Variants in ZNF717 observed in about 807,000 individuals in gnomAD.
The protein encoded by ZNF717 is zinc finger protein 717, also known as krueppel-like factor X17.
Under a neutral mutation model 13.8 loss-of-function variants are expected in ZNF717, and 9 were observed. That is an observed-to-expected ratio of 0.65 (90% CI 0.39 to 1.14). The LOEUF (loss-of-function observed/expected upper bound fraction) is 1.14. ZNF717 is among the 50% of genes most tolerant of loss of function. ZNF717 has a pLI of 0.01. For missense variants in ZNF717, 1,040 were observed against 1,080.7 expected, an observed-to-expected ratio of 0.96 and a Z score of 0.53; for synonymous variants, 327 against 364.1, an observed-to-expected ratio of 0.90 and a Z score of 1.16.
chr3:75,715,230 C>T (rs1328666817), intron 5 of ZNF717, among the ~76,000 whole-genome samples: 1 of 152,114 alleles, frequency 6.6e-6, no homozygotes, highest in Non-Finnish European at 1.5e-5. Context: ...TACATTTAAG[C>T]TGGGACTCAA....
intron 2 of ZNF717, among the ~76,000 whole-genome samples, chr3:75,766,888 GA>G (rs1384409214): frequency 1.3e-5 from 2 of 152,228 alleles, no homozygotes; most frequent in African/African-American, 4.8e-5. Flanking sequence ...AACACCCTGT[GA>G]GTCAAAAAAA....
intron 2 of ZNF717, among the ~76,000 whole-genome samples, chr3:75,778,592 C>G (rs532138951): frequency 1.4e-5 from 2 of 147,314 alleles, no homozygotes; most frequent in African/African-American, 2.5e-5. Context: ...TGGGAGTGAC[C>G]TGCCAAAACC....
downstream of ZNF717, among the ~76,000 whole-genome samples, chr3:75,726,054 A>G (rs1451552309): frequency 3.3e-5 from 5 of 152,250 alleles, no homozygotes; most frequent in African/African-American, 1.2e-4. Flanking sequence ...CGCTAGACTC[A>G]GTAAGATAGC....
At chr3:75,740,314 C>T (rs1269831900) in intron 4 of ZNF717, among the ~76,000 whole-genome samples, 3 of 152,280 alleles carry the variant, frequency 2.0e-5, no homozygotes, top group African/African-American at 7.2e-5. Flanking sequence ...TAATTAGTTT[C>T]TTTGGACTTG....
At chr3:75,721,552 A>ATTACAGGC (rs1938166923) in intron 4 of ZNF717, among the ~76,000 whole-genome samples, 1 of 152,192 alleles carries the variant, frequency 6.6e-6, no homozygotes, top group Non-Finnish European at 1.5e-5. Flanking sequence ...AAGTGCTGGG[A>ATTACAGGC]TTACAGGCGT....
At position 75,784,379 on chromosome 3, in the gene ZNF717, T is replaced by C. The variant is rs112599420; in HGVS notation, c.-3+1005A>G. 8.4e-3 allele frequency among the ~76,000 whole-genome samples: 1,276 copies of C among 152,362 alleles called. 22 individuals carry two copies. Among genetic ancestry groups the C allele is most frequent in the African/African-American group, 0.028 (1,173 of 41,578 alleles). On this transcript the variant is annotated intron_variant, in intron 1 of 4. Transcript: ENST00000652011. ...ACACCTAAGTGAACAGAATTCAATA[T>C]GTTTTTAACAAAATTACGTAGGGGG...
At chr3:75,749,030 A>C (rs1941434292) in intron 2 of ZNF717, among the ~76,000 whole-genome samples, 1 of 150,922 alleles carries the variant, frequency 6.6e-6, no homozygotes. Flanking sequence ...CTCACATAGG[A>C]TTCCAGAACA....
intron 2 of ZNF717, among the ~76,000 whole-genome samples, chr3:75,765,496 G>A (rs868717799): frequency 8.5e-5 from 13 of 152,106 alleles, no homozygotes; most frequent in African/African-American, 2.2e-4. Flanking sequence ...CTGCAGCCTC[G>A]ACCTCCCAGG....
In ZNF717 at chr3:75,740,426, ATC is replaced by A. The variant is rs1209428206; in HGVS notation, c.277+848_277+849del. 4.6e-5 allele frequency among the ~76,000 whole-genome samples: 7 copies of A among 152,032 alleles called. No individual in the cohort carries two copies. In the South Asian group the frequency reaches 1.2e-3, roughly 27 times the overall value. The stretch of plus-strand genomic sequence containing the variant: ...CTTCATAATTTCCTTCCGAGACAGG[ATC>A]TTACTCTGTTACTGAGGCTGGAGTG... On this transcript the variant is annotated intron_variant, in intron 4 of 4. Coordinates refer to ENST00000652011, the MANE Select transcript of ZNF717 (RefSeq NM_001290208.3).
chr3:75,777,891 G>A (rs895480799), intron 2 of ZNF717, among the ~76,000 whole-genome samples: 2 of 146,958 alleles, frequency 1.4e-5, no homozygotes, highest in African/African-American at 2.5e-5. Context: ...TGGGAGTGAC[G>A]TGTTAAAACG....
intron 5 of ZNF717, among the ~76,000 whole-genome samples, chr3:75,712,199 A>T (rs1350091273): frequency 2.0e-5 from 3 of 152,110 alleles, no homozygotes; most frequent in Non-Finnish European, 4.4e-5. Context: ...CTGAATCTCC[A>T]TCCTCAAACT....
At chr3:75,758,379 C>T (rs9839725) in intron 2 of ZNF717, among the ~76,000 whole-genome samples, 6,595 of 152,156 alleles carry the variant, frequency 0.043, 470 homozygotes, top group African/African-American at 0.15. Flanking sequence ...GTGGTGAAGA[C>T]AGTGTAAACA....
At position 75,765,035 on chromosome 3, in the gene ZNF717, A is replaced by ATGTGTGTGTGTGTGTGTG. The variant is rs150835839; in HGVS notation, c.57+18253_57+18270dup. On this transcript the variant is annotated intron_variant, in intron 2 of 4. Transcript: ENST00000652011. ...TATATATATATATATATATATGTAT[A>ATGTGTGTGTGTGTGTGTG]TGTGTGTGTGTGTGTGTGTGTGTAT... 8.6e-5 allele frequency among the ~76,000 whole-genome samples: 7 copies of ATGTGTGTGTGTGTGTGTG among 81,800 alleles called. No homozygotes were observed. In the East Asian group the frequency reaches 2.4e-3, roughly 28 times the overall value. The allele number at this position is 81,800 out of a possible 152,430, so 53.7% of individuals were successfully genotyped here. A position where few individuals can be genotyped will look rare whatever the true frequency, so the allele number is the denominator to read the frequency against.
At chr3:75,705,617 C>G (rs1159225943), downstream of ZNF717, among the ~76,000 whole-genome samples, 1 of 152,204 alleles carries the variant, frequency 6.6e-6, no homozygotes, top group East Asian at 1.9e-4. Context: ...TCTCCCTCCC[C>G]TTCAAGTCTT....
At chr3:75,732,315 A>G (rs1938633193), downstream of ZNF717, among the ~76,000 whole-genome samples, 4 of 152,274 alleles carry the variant, frequency 2.6e-5, no homozygotes, top group South Asian at 8.3e-4. Context: ...AGATAAAAAC[A>G]GAGAAACACA....
chr3:75,700,887 T>G (rs1937679424), intron 6 of ZNF717, among the ~76,000 whole-genome samples: 1 of 152,294 alleles, frequency 6.6e-6, no homozygotes, highest in Non-Finnish European at 1.5e-5. Context: ...GGGCAAAAAT[T>G]TCTTAAATAA....
At chr3:75,750,884 G>T (rs1941712873) in intron 2 of ZNF717, among the ~76,000 whole-genome samples, 2 of 151,232 alleles carry the variant, frequency 1.3e-5, no homozygotes, top group African/African-American at 4.9e-5. Context: ...CTGAACGTTT[G>T]TCCCTCTCAT....
intron 2 of ZNF717, among the ~76,000 whole-genome samples, chr3:75,764,814 CAA>C (rs1014719211): frequency 6.8e-6 from 1 of 146,308 alleles, no homozygotes; most frequent in African/African-American, 2.5e-5. Context: ...ACTGGCTCCT[CAA>C]AAAAAAAATA....
chr3:75,694,758 A>C (rs8179959), intron 6 of ZNF717, among the ~76,000 whole-genome samples: 3 of 131,686 alleles, frequency 2.3e-5, no homozygotes, highest in African/African-American at 8.4e-5. Context: ...TGATGCAATC[A>C]GTGTTAAATT....
Sources: allele counts gnomAD v4.1 joint callset (sites outside exome capture counted in the v4.1 genomes callset), GRCh38; gene constraint gnomAD v4.1.1; transcripts MANE v1.5; gene names NCBI Gene and HGNC (gene_info 2026-07-23, HGNC 2026-07-21).